The following METTL24 variants were observed in gnomAD, a reference collection of about 807,000 sequenced individuals.
METTL24 encodes the protein methyltransferase like 24.
METTL24 carries 29 observed loss-of-function variants against 32.7 expected under a neutral mutation model. The observed-to-expected ratio is 0.89, with a 90% CI of 0.66 to 1.21. METTL24 has a LOEUF of 1.21. METTL24 is among the 50% of genes most tolerant of loss of function. The probability of loss-of-function intolerance (pLI) is 0.00; values close to 1 mark genes in which losing one functional copy is unlikely to be tolerated. For missense variants in METTL24, 439 were observed against 468.1 expected, an observed-to-expected ratio of 0.94 and a Z score of 0.57; for synonymous variants, 163 against 179.5, an observed-to-expected ratio of 0.91 and a Z score of 0.73.
chr6:110,248,730 G>A (rs1190310544), intron 4 of METTL24, among the ~76,000 whole-genome samples: 2 of 151,118 alleles, frequency 1.3e-5, no homozygotes, highest in South Asian at 2.1e-4. Context: ...GACAACCTTG[G>A]ACAATATAGT....
chr6:110,269,533 C>T (rs1384962322), intron 4 of METTL24, among the ~76,000 whole-genome samples: 2 of 152,188 alleles, frequency 1.3e-5, no homozygotes, highest in African/African-American at 4.8e-5. Context: ...TGCACCCACA[C>T]AATTTAACCT....
Position 110,245,165 on chromosome 6 carries a change from A to T in METTL24, c.*781T>A. Among the ~76,000 whole-genome samples, 1 of 152,244 alleles carries T rather than the reference A, an allele frequency of 6.6e-6. No homozygotes were observed. The highest frequency in any genetic ancestry group is 1.9e-4 in the East Asian group (1 of 5,196). ...TTTAAATCAGTAGACTAAATAAATC[A>T]GATTCTTCACCTCAGTGTAAGTGGA... On this transcript the variant is annotated 3_prime_UTR_variant, in exon 5 of 5. Transcript: ENST00000338882.
chr6:110,269,652 T>C (rs1770919107), intron 4 of METTL24, among the ~76,000 whole-genome samples: 1 of 152,200 alleles, frequency 6.6e-6, no homozygotes, highest in African/African-American at 2.4e-5. Context: ...TTTTGTTTGT[T>C]TGTTTGTTTT....
intron 4 of METTL24, among the ~76,000 whole-genome samples, chr6:110,250,629 G>C (rs184543344): frequency 1.3e-5 from 2 of 148,944 alleles, no homozygotes; most frequent in East Asian, 3.9e-4. Context: ...CAATAGTTAG[G>C]AAAAGCGCCC....
intron 1 of METTL24, among the ~76,000 whole-genome samples, chr6:110,344,164 G>A (rs1367693554): frequency 1.3e-5 from 2 of 152,170 alleles, no homozygotes; most frequent in Non-Finnish European, 2.9e-5. Flanking sequence ...CCCCTTCAAT[G>A]TTCACTGCAT....
intron 4 of METTL24, among the ~76,000 whole-genome samples, chr6:110,291,507 C>T (rs1286514875): frequency 2.0e-5 from 3 of 152,100 alleles, no homozygotes; most frequent in Admixed American, 6.6e-5. Flanking sequence ...TAATTATATA[C>T]GTGTTTCTCT....
intron 2 of METTL24, among the ~76,000 whole-genome samples, chr6:110,317,083 T>C (rs1185013395): frequency 6.6e-6 from 1 of 152,168 alleles, no homozygotes; most frequent in Non-Finnish European, 1.5e-5. Flanking sequence ...GCACTATTTA[T>C]CAGTGAATGT....
At chr6:110,352,413 C>A (rs1287328976) in intron 1 of METTL24, among the ~76,000 whole-genome samples, 1 of 152,136 alleles carries the variant, frequency 6.6e-6, no homozygotes, top group African/African-American at 2.4e-5. Context: ...ATACTTAAAA[C>A]ACTGTGTGGT....
At chr6:110,296,542 A>G (rs1771423180) in intron 4 of METTL24, among the ~76,000 whole-genome samples, 3 of 152,214 alleles carry the variant, frequency 2.0e-5, no homozygotes, top group Non-Finnish European at 4.4e-5. Flanking sequence ...AGCAGTACAA[A>G]AGCCATTTGC....
chr6:110,346,680 T>C (rs529596923), intron 1 of METTL24, among the ~76,000 whole-genome samples: 4 of 152,302 alleles, frequency 2.6e-5, no homozygotes, highest in African/African-American at 4.8e-5. Flanking sequence ...AATTTTTGTA[T>C]ATTTAGTAGA....
intron 4 of METTL24, among the ~76,000 whole-genome samples, chr6:110,249,167 T>C (rs769175260): frequency 7.9e-5 from 12 of 151,998 alleles, no homozygotes; most frequent in Non-Finnish European, 1.6e-4. Context: ...AAGGAATATA[T>C]TTTGTATATT....
chr6:110,317,157 C>A (rs1205811811), intron 2 of METTL24, among the ~76,000 whole-genome samples: 1 of 152,138 alleles, frequency 6.6e-6, no homozygotes, highest in African/African-American at 2.4e-5. Flanking sequence ...CCCTATATAT[C>A]TTTTCCTGGA....
chr6:110,313,860 A>G (rs1032265853), intron 3 of METTL24, among the ~76,000 whole-genome samples: 1 of 152,214 alleles, frequency 6.6e-6, no homozygotes, highest in African/African-American at 2.4e-5. Context: ...GTGATCTTCT[A>G]CATGGCAAGT....
At chr6:110,315,141 A>G (rs1388500128) in intron 3 of METTL24, among the ~76,000 whole-genome samples, 2 of 152,142 alleles carry the variant, frequency 1.3e-5, no homozygotes, top group African/African-American at 4.8e-5. Context: ...TGGGAGGGAA[A>G]GTGCCTCTGA....
Position 110,259,138 on chromosome 6 carries a change from A to G in METTL24, c.787-12878T>C, listed in dbSNP as rs114591445. ...GTGGGTGCAGGACAGTGGGTGCAGCATACCAAGTGTGAGCCAAAGCAGGGT... is the reference window on the plus strand; with the variant it reads ...GTGGGTGCAGGACAGTGGGTGCAGCGTACCAAGTGTGAGCCAAAGCAGGGT... On this transcript the variant is annotated intron_variant, in intron 4 of 4. Transcript: ENST00000338882. 7.1e-3 allele frequency among the ~76,000 whole-genome samples: 1,082 copies of G among 152,264 alleles called. 8 individuals are homozygous for G. Among genetic ancestry groups the G allele is most frequent in the Middle Eastern group, 0.02 (6 of 294 alleles).
chr6:110,313,065 C>A (rs1163830370), intron 3 of METTL24, among the ~76,000 whole-genome samples: 2 of 152,228 alleles, frequency 1.3e-5, no homozygotes, highest in African/African-American at 4.8e-5. Context: ...GAGAGGACAT[C>A]CCCTGTCATA....
At chr6:110,247,619 T>C (rs908599308) in intron 4 of METTL24, among the ~76,000 whole-genome samples, 2 of 152,140 alleles carry the variant, frequency 1.3e-5, no homozygotes, top group African/African-American at 4.8e-5. Flanking sequence ...GAGGAAATCA[T>C]TGCAAAAGAG....
chr6:110,256,206 C>G (rs1015296106), intron 4 of METTL24, among the ~76,000 whole-genome samples: 2 of 152,084 alleles, frequency 1.3e-5, no homozygotes, highest in African/African-American at 4.8e-5. Flanking sequence ...CTGAGGAATG[C>G]AGCTTTGAAA....
chr6:110,246,696 G>A (rs754424443), intron 4 of METTL24, among the ~76,000 whole-genome samples: 4 of 152,136 alleles, frequency 2.6e-5, no homozygotes, highest in Non-Finnish European at 4.4e-5. Context: ...GTGTATCACA[G>A]ACCTCTGTGT....
Sources: gnomAD v4.1 joint callset for allele counts (sites outside exome capture counted in the v4.1 genomes callset) on GRCh38, gnomAD v4.1.1 for gene constraint, MANE v1.5 for transcripts, NCBI Gene and HGNC (gene_info 2026-07-23, HGNC 2026-07-21) for gene names.